The following LZTFL1 variants were observed in gnomAD, a reference collection of about 807,000 sequenced individuals.
LZTFL1 encodes the protein leucine zipper transcription factor-like protein 1.
A neutral mutation model predicts 45.9 loss-of-function variants in LZTFL1; 25 were observed. The ratio of observed to expected loss-of-function variants is 0.54; its 90% CI spans 0.40 to 0.76. The LOEUF is 0.76. Among genes scored for constraint, LZTFL1 ranks in the 30% least tolerant of loss-of-function variants. LZTFL1 has a pLI of 0.00. For synonymous variants in LZTFL1, 93 were observed against 117.4 expected (o/e 0.79, Z 1.35); for missense variants, 277 against 331.1 (o/e 0.84, Z 1.27).
chr3:45,897,142 C>T (rs945242418), intron 2 of LZTFL1, among the ~76,000 whole-genome samples: 1 of 152,154 alleles, frequency 6.6e-6, no homozygotes, highest in Non-Finnish European at 1.5e-5. Context: ...TGGCTGTGCA[C>T]TGAGGTTTGT....
In LZTFL1 at chr3:45,850,491, C is replaced by T. The variant is rs115994980; in HGVS notation, c.-49+4495G>A. On this transcript the variant is annotated intron_variant, in intron 4 of 4. Transcript: ENST00000472635. ...CCTTCACTGGGAAGCTCCATGTGGA[C>T]CATTCCTTCCTTTTATCCATTCTCG... 7.7e-4 allele frequency among the ~76,000 whole-genome samples: 118 copies of T among 152,312 alleles called. 1 individual carries two copies. Among genetic ancestry groups the T allele is most frequent in the African/African-American group, 2.7e-3 (111 of 41,556 alleles).
At chr3:45,897,608 A>C (rs1468705702) in intron 2 of LZTFL1, 1 of 1,535,678 alleles carries the variant, frequency 6.5e-7, no homozygotes, top group Admixed American at 2.0e-5. Flanking sequence ...TGGCCCAGGA[A>C]TCCATCTCCT....
intron 2 of LZTFL1, among the ~76,000 whole-genome samples, chr3:45,909,412 C>T (rs537141074): frequency 6.6e-6 from 1 of 152,286 alleles, no homozygotes; most frequent in South Asian, 2.1e-4. Context: ...ACATTCTGTC[C>T]ATTTTTGGTT....
In LZTFL1 at chr3:45,855,091, C is replaced by T. The variant is rs114676647; in HGVS notation, c.-137-17G>A. ...CTGCCTTCCCTAGAAAATGAGAGTTCGAGTTAAAAATTATAAGTTGTATCT... is the reference window on the plus strand; with the variant it reads ...CTGCCTTCCCTAGAAAATGAGAGTTTGAGTTAAAAATTATAAGTTGTATCT... On this transcript the variant is annotated splice_polypyrimidine_tract_variant and intron_variant, in intron 3 of 4. Coordinates refer to the LZTFL1 transcript ENST00000472635. 21 of 1,441,296 alleles carry T rather than the reference C, an allele frequency of 1.5e-5. No individual in the cohort carries two copies. In the East Asian group the frequency reaches 1.5e-4, roughly 10 times the overall value. The allele number at this position is 1,441,296 out of a possible 1,614,324, so 89.3% of individuals were successfully genotyped here.
chr3:45,890,321 A>ATATAACATATATATATT, intron 2 of LZTFL1, among the ~76,000 whole-genome samples: 1 of 105,018 alleles, frequency 9.5e-6, no homozygotes, highest in Non-Finnish European at 1.7e-5. Context: ...ATATATTTAT[A>ATATAACATATATATATT]TAAATATATA....
rs1394427516 is a variant in LZTFL1, at chr3:45,900,570, AT to A, written c.-215+12549del. 1.3e-5 allele frequency among the ~76,000 whole-genome samples: 2 copies of A among 152,172 alleles called. No homozygotes were observed. Among genetic ancestry groups the A allele is most frequent in the Non-Finnish European group, 2.9e-5 (2 of 68,028 alleles). On this transcript the variant is annotated intron_variant, in intron 2 of 4. Coordinates refer to the LZTFL1 transcript ENST00000472635. The surrounding 1 kb of genome is among the most constrained non-coding windows in gnomAD (Gnocchi z 4.7). ...GAGAGTGAAGCCACACATCTGACTT[AT>A]TTATTATGGTTTCTTTGGCACATAG...
intron 2 of LZTFL1, among the ~76,000 whole-genome samples, chr3:45,860,427 T>C (rs1157026043): frequency 6.6e-6 from 1 of 151,578 alleles, no homozygotes; most frequent in Non-Finnish European, 1.5e-5. Flanking sequence ...AATCCTAAGG[T>C]AATTCAGATG....
chr3:45,854,095 C>T (rs1322580016), intron 4 of LZTFL1, among the ~76,000 whole-genome samples: 1 of 152,192 alleles, frequency 6.6e-6, no homozygotes, highest in Non-Finnish European at 1.5e-5. Flanking sequence ...GCTACTCTGC[C>T]CTCTCCTTTC....
chr3:45,843,535 T>G (rs1000682117), upstream of LZTFL1, among the ~76,000 whole-genome samples: 6 of 152,226 alleles, frequency 3.9e-5, no homozygotes, highest in Admixed American at 6.5e-5. Context: ...GGCCAAATCT[T>G]GTGATTGCGA....
rs774230939 is a variant in LZTFL1, at chr3:45,835,647, G to A, written c.266C>T (p.Ala89Val). 5 of 1,613,992 alleles carry A rather than the reference G, an allele frequency of 3.1e-6. No homozygotes were observed. In the African/African-American group the frequency reaches 5.3e-5, roughly 17 times the overall value. Residue 89 changes from alanine (A) to valine (V), a missense_variant, in exon 3 of 10, where the codon GCA becomes GTA. Coordinates refer to ENST00000296135, the MANE Select transcript of LZTFL1 (RefSeq NM_020347.4). ...TNVLLLRQLF[A>V]QAEKWYLKLQ... is the part of the protein sequence containing the mutation. The stretch of plus-strand genomic sequence containing the variant: ...CTTAAGATACCACTTCTCAGCTTGT[G>A]CAAACAGCTGTCGCAGAAGTAACAC...
Position 45,901,148 on chromosome 3 carries a change from G to A in LZTFL1, c.-215+11972C>T, listed in dbSNP as rs1702541553. 1.2e-6 allele frequency: 2 copies of A among 1,614,194 alleles called. No homozygotes were observed. The highest frequency in any genetic ancestry group is 1.3e-5 in the African/African-American group (1 of 75,048). On this transcript the variant is annotated intron_variant, in intron 2 of 4. Transcript: ENST00000472635. This position sits in a 1 kb window ranked among gnomAD's most constrained non-coding sequence, Gnocchi z 4.3. Reference sequence around the variant, plus strand: ...GGAAGTTCCAGACCTTCATGTGCAAGGTGGTCAACAGCATGTACAAGATGA... The same window carrying A: ...GGAAGTTCCAGACCTTCATGTGCAAAGTGGTCAACAGCATGTACAAGATGA...
chr3:45,856,183 C>T (rs1386042510), intron 3 of LZTFL1, among the ~76,000 whole-genome samples: 3 of 152,122 alleles, frequency 2.0e-5, no homozygotes, highest in Admixed American at 6.5e-5. Context: ...GGTACAAAAC[C>T]AGACACATCA....
intron 3 of LZTFL1, among the ~76,000 whole-genome samples, chr3:45,855,822 A>G (rs572840017): frequency 2.6e-5 from 4 of 152,312 alleles, no homozygotes; most frequent in African/African-American, 9.6e-5. Context: ...AAAATAAAAT[A>G]CCTAGGAATA....
chr3:45,883,812 G>T, intron 2 of LZTFL1: 1 of 536,282 alleles, frequency 1.9e-6, no homozygotes, highest in South Asian at 2.8e-5. Flanking sequence ...AGACCATGAA[G>T]AGTGAGAGTT....
intron 2 of LZTFL1, among the ~76,000 whole-genome samples, chr3:45,899,454 A>G (rs1026208442): frequency 1.1e-4 from 17 of 152,244 alleles, no homozygotes; most frequent in Non-Finnish European, 4.4e-5. Flanking sequence ...TTGTACTTAT[A>G]TATTTGTTAA....
intron 3 of LZTFL1, among the ~76,000 whole-genome samples, chr3:45,858,756 T>A (rs781078696): frequency 4.9e-4 from 75 of 152,234 alleles, no homozygotes; most frequent in Admixed American, 3.6e-3. Flanking sequence ...GTTGAGTCTG[T>A]CTTTATTAAA....
chr3:45,872,278 A>G (rs1224011620), intron 2 of LZTFL1, among the ~76,000 whole-genome samples: 1 of 152,184 alleles, frequency 6.6e-6, no homozygotes, highest in African/African-American at 2.4e-5. Context: ...TATAAACCCC[A>G]AAGCGGGGCT....
intron 2 of LZTFL1, chr3:45,897,681 T>A: frequency 7.3e-7 from 1 of 1,365,366 alleles, no homozygotes; most frequent in Non-Finnish European, 9.9e-7. Context: ...CTGCCCCCTC[T>A]CATTTGTTCC....
intron 4 of LZTFL1, 97 bp downstream of exon 4, chr3:45,834,141 T>C: frequency 3.0e-6 from 2 of 661,074 alleles, no homozygotes; most frequent in Non-Finnish European, 5.2e-6. Context: ...TGCTTTTCCT[T>C]AAGAGTTCTC....
Sources: gnomAD v4.1 joint callset for allele counts (sites outside exome capture counted in the v4.1 genomes callset) on GRCh38, gnomAD v4.1.1 for gene constraint, Gnocchi (gnomAD v3.1) non-coding constraint, MANE v1.5 for transcripts, NCBI Gene and HGNC (gene_info 2026-07-23, HGNC 2026-07-21) for gene names.